TRAT1: variants seen among roughly 807,000 people sequenced by gnomAD.
TRAT1 encodes T-cell receptor-associated transmembrane adapter 1.
TRAT1 carries 20 observed loss-of-function variants against 20.0 expected under a neutral mutation model. The ratio of observed to expected loss-of-function variants is 1.00; its 90% CI spans 0.70 to 1.45. The LOEUF is 1.45. TRAT1 is among the 40% of genes most tolerant of loss of function. TRAT1 has a pLI of 0.00. For missense variants in TRAT1, 237 were observed against 224.1 expected, an observed-to-expected ratio of 1.06 and a Z score of -0.37; for synonymous variants, 77 against 74.2, an observed-to-expected ratio of 1.04 and a Z score of -0.20.
At chr3:108,841,898 T>C (rs753642071) in intron 3 of TRAT1, among the ~76,000 whole-genome samples, 1 of 152,222 alleles carries the variant, frequency 6.6e-6, no homozygotes. Context: ...CAATTCTGAA[T>C]TTTAAACAGA....
At chr3:108,832,929 TG>T (rs1337114486) in intron 2 of TRAT1, among the ~76,000 whole-genome samples, 11 of 152,218 alleles carry the variant, frequency 7.2e-5, no homozygotes, top group Admixed American at 7.2e-4. Flanking sequence ...GTAGTACTTC[TG>T]CCCCAGAAGT....
At position 108,822,826 on chromosome 3, in the gene TRAT1, A is replaced by C; in HGVS notation, c.-102A>C. 2.1e-6 allele frequency: 2 copies of C among 949,456 alleles called. No homozygotes were observed. Among genetic ancestry groups the C allele is most frequent in the Non-Finnish European group, 3.4e-6 (2 of 594,568 alleles). 58.8% of individuals were successfully genotyped at this position (949,456 alleles called of 1,614,324 possible). Reference sequence around the variant, plus strand: ...AAGTTTTACTGTCATGCTGCTTTTAACATAACAGAGCAACATCACCTAGGA... The same window carrying C: ...AAGTTTTACTGTCATGCTGCTTTTACCATAACAGAGCAACATCACCTAGGA... On this transcript the variant is annotated 5_prime_UTR_variant, in exon 1 of 6. Transcript: ENST00000295756.
chr3:108,835,348 T>G (rs1202719573), intron 2 of TRAT1, among the ~76,000 whole-genome samples: 1 of 152,256 alleles, frequency 6.6e-6, no homozygotes, highest in Non-Finnish European at 1.5e-5. Context: ...TTTCATTGCT[T>G]TATAGCAAAG....
intron 5 of TRAT1, among the ~76,000 whole-genome samples, chr3:108,853,247 C>T (rs1465358401): frequency 6.6e-6 from 1 of 152,160 alleles, no homozygotes; most frequent in African/African-American, 2.4e-5. Flanking sequence ...TCCTATCATG[C>T]TTATTCCTAC....
intron 1 of TRAT1, among the ~76,000 whole-genome samples, chr3:108,824,977 G>A (rs1017778319): frequency 1.6e-4 from 24 of 152,094 alleles, no homozygotes; most frequent in African/African-American, 5.8e-4. Flanking sequence ...TCCCCTTTGG[G>A]TTTAATACAG....
At chr3:108,836,444 T>C (rs1221340182) in intron 2 of TRAT1, among the ~76,000 whole-genome samples, 1 of 152,214 alleles carries the variant, frequency 6.6e-6, no homozygotes, top group Non-Finnish European at 1.5e-5. Context: ...AAATTAATGC[T>C]CAGCTGGTGA....
chr3:108,853,517 G>A, intron 5 of TRAT1, 103 bp from the exon 6 acceptor site: 1 of 1,393,108 alleles, frequency 7.2e-7, no homozygotes, highest in Non-Finnish European at 9.8e-7. Context: ...AGGTAGGTGA[G>A]GCCTAGAAAA....
intron 1 of TRAT1, among the ~76,000 whole-genome samples, chr3:108,824,238 T>C (rs1945717414): frequency 6.6e-6 from 1 of 152,184 alleles, no homozygotes; most frequent in Non-Finnish European, 1.5e-5. Flanking sequence ...GCTTTTTCTG[T>C]AGTAAGGGTT....
intron 5 of TRAT1, among the ~76,000 whole-genome samples, chr3:108,850,943 C>A (rs1270181643): frequency 6.6e-6 from 1 of 152,132 alleles, no homozygotes; most frequent in Non-Finnish European, 1.5e-5. Context: ...TATGCAAAGC[C>A]TTAAAATGTC....
intron 2 of TRAT1, among the ~76,000 whole-genome samples, chr3:108,838,379 T>TAGAC (rs1945859735): frequency 6.6e-6 from 1 of 151,514 alleles, no homozygotes; most frequent in Non-Finnish European, 1.5e-5. Context: ...GATAGATAGA[T>TAGAC]AGATAGATAG....
At chr3:108,851,877 CAA>C (rs1946001150) in intron 5 of TRAT1, among the ~76,000 whole-genome samples, 2 of 31,744 alleles carry the variant, frequency 6.3e-5, no homozygotes, top group East Asian at 0.028. Context: ...TAAAGTTGAC[CAA>C]GTGTTGACCA....
At chr3:108,848,960 AC>A (rs1482497548) in intron 4 of TRAT1, among the ~76,000 whole-genome samples, 2 of 152,130 alleles carry the variant, frequency 1.3e-5, no homozygotes, top group South Asian at 2.1e-4. Context: ...TATCTTACTA[AC>A]CCTTTAGCTC....
chr3:108,844,861 A>AAG (rs1553727509), intron 3 of TRAT1, among the ~76,000 whole-genome samples: 21 of 137,292 alleles, frequency 1.5e-4, no homozygotes, highest in South Asian at 4.5e-4. Context: ...AAAAAAAAAA[A>AAG]AAAAAAAAGA....
At chr3:108,849,475 A>G (rs909864983) in intron 5 of TRAT1, among the ~76,000 whole-genome samples, 3 of 152,192 alleles carry the variant, frequency 2.0e-5, no homozygotes, top group Non-Finnish European at 4.4e-5. Flanking sequence ...TAAGGGAATA[A>G]TAGGATTATT....
intron 2 of TRAT1, among the ~76,000 whole-genome samples, chr3:108,835,783 A>G (rs917846580): frequency 3.3e-5 from 5 of 151,996 alleles, no homozygotes; most frequent in South Asian, 2.1e-4. Flanking sequence ...TATCCTTTAT[A>G]TAGTTGCTTC....
chr3:108,834,383 T>A (rs891221219), intron 2 of TRAT1, among the ~76,000 whole-genome samples: 5 of 152,166 alleles, frequency 3.3e-5, no homozygotes, highest in South Asian at 2.1e-4. Flanking sequence ...TCTCCTAACA[T>A]CTTTTCCCAA....
In TRAT1 at chr3:108,853,983, G is replaced by T. The variant is rs1946023460; in HGVS notation, c.*106G>T. On this transcript the variant is annotated 3_prime_UTR_variant, in exon 6 of 6. Transcript: ENST00000295756. ...GGACTTGGCAGCAGGGTGATGACCT[G>T]ATCATTTGTTGATGGGATGGTGGCT... The T allele has an allele frequency of 2.8e-6, 3 of 1,076,318 alleles. No homozygotes were observed. Among genetic ancestry groups the T allele is most frequent in the Admixed American group, 4.3e-5 (2 of 46,672 alleles). 66.7% of individuals were successfully genotyped at this position (1,076,318 alleles called of 1,614,324 possible).
intron 1 of TRAT1, among the ~76,000 whole-genome samples, chr3:108,825,653 A>C (rs1465780643): frequency 6.6e-6 from 1 of 152,188 alleles, no homozygotes; most frequent in African/African-American, 2.4e-5. Context: ...TTGTCAATTA[A>C]AGATCATAGT....
intron 2 of TRAT1, among the ~76,000 whole-genome samples, chr3:108,832,661 C>T (rs1291990013): frequency 3.9e-5 from 6 of 152,080 alleles, no homozygotes; most frequent in Non-Finnish European, 8.8e-5. Context: ...AGACCAGTAA[C>T]CTGAATTAGT....
Sources: gnomAD v4.1 joint callset for allele counts (sites outside exome capture counted in the v4.1 genomes callset) on GRCh38, gnomAD v4.1.1 for gene constraint, MANE v1.5 for transcripts, NCBI Gene and HGNC (gene_info 2026-07-23, HGNC 2026-07-21) for gene names.